The following DCC variants were observed in gnomAD, a reference collection of about 807,000 sequenced individuals.
The protein encoded by DCC is netrin receptor DCC.
DCC carries 58 observed loss-of-function variants against 172.5 expected under a neutral mutation model. The ratio of observed to expected loss-of-function variants is 0.34; its 90% CI spans 0.27 to 0.42. The LOEUF is 0.42. Ranked by LOEUF, DCC falls within the 10% of genes least tolerant of loss-of-function variation. DCC has a pLI of 1.00. For synonymous variants in DCC, 709 were observed against 644.5 expected (o/e 1.10, Z -1.52); for missense variants, 1,740 against 1,791.0 (o/e 0.97, Z 0.51).
At chr18:52,541,877 A>ATATATATATATATATATATATG (rs1568220106) in intron 1 of DCC, among the ~76,000 whole-genome samples, 16 of 68,786 alleles carry the variant, frequency 2.3e-4, no homozygotes, top group African/African-American at 7.8e-4. Context: ...GTGTGTGTGT[A>ATATATATATATATATATATATG]TATATATATA....
At chr18:52,887,768 T>C (rs1488447437) in intron 2 of DCC, among the ~76,000 whole-genome samples, 1 of 152,216 alleles carries the variant, frequency 6.6e-6, no homozygotes, top group Non-Finnish European at 1.5e-5. Flanking sequence ...TATCCAACTT[T>C]TAATAGTAAT....
At chr18:53,288,341 G>T (rs574357191) in intron 12 of DCC, among the ~76,000 whole-genome samples, 2 of 152,014 alleles carry the variant, frequency 1.3e-5, no homozygotes, top group Non-Finnish European at 2.9e-5. Context: ...ATGGACAATG[G>T]CATATTCTGA....
chr18:53,061,826 G>A (rs903226981), intron 5 of DCC, among the ~76,000 whole-genome samples: 1 of 152,030 alleles, frequency 6.6e-6, no homozygotes, highest in Non-Finnish European at 1.5e-5. Context: ...TAGTGGGAGA[G>A]ATAATAATAA....
chr18:52,926,620 G>A (rs968437701), intron 5 of DCC, among the ~76,000 whole-genome samples: 1 of 151,506 alleles, frequency 6.6e-6, no homozygotes, highest in African/African-American at 2.4e-5. Context: ...ATTTGGTTAT[G>A]GAATACGCTA....
intron 2 of DCC, among the ~76,000 whole-genome samples, chr18:52,905,279 CAT>C (rs1325629769): frequency 6.6e-6 from 1 of 152,070 alleles, no homozygotes; most frequent in African/African-American, 2.4e-5. Context: ...ATCATTTTCA[CAT>C]GTTATTTCAT....
chr18:53,265,444 A>T (rs1159384971), intron 12 of DCC, among the ~76,000 whole-genome samples: 1 of 152,228 alleles, frequency 6.6e-6, no homozygotes, highest in Non-Finnish European at 1.5e-5. Context: ...TGGACTGATC[A>T]TTATCAAGCC....
intron 7 of DCC, among the ~76,000 whole-genome samples, chr18:53,152,642 G>A (rs1052677978): frequency 2.0e-5 from 3 of 152,086 alleles, no homozygotes; most frequent in African/African-American, 7.2e-5. Context: ...CATGACAACA[G>A]ATAAAGAAGC....
At chr18:52,611,691 C>T (rs1461741751) in intron 1 of DCC, among the ~76,000 whole-genome samples, 1 of 152,182 alleles carries the variant, frequency 6.6e-6, no homozygotes, top group Non-Finnish European at 1.5e-5. Context: ...CTGACACTAA[C>T]TGCTTGATTT....
At chr18:52,957,489 T>C (rs1249457583) in intron 5 of DCC, among the ~76,000 whole-genome samples, 6 of 152,110 alleles carry the variant, frequency 3.9e-5, no homozygotes, top group Admixed American at 6.6e-5. Flanking sequence ...TAACAAGTAT[T>C]TGTAGAACAT....
chr18:52,925,749 G>A (rs1370007802), intron 5 of DCC, among the ~76,000 whole-genome samples: 3 of 151,892 alleles, frequency 2.0e-5, no homozygotes, highest in African/African-American at 7.2e-5. Context: ...TGTTATTTGA[G>A]ATGACAGGGT....
intron 1 of DCC, among the ~76,000 whole-genome samples, chr18:52,533,008 A>T (rs1052519553): frequency 3.3e-5 from 5 of 152,068 alleles, no homozygotes; most frequent in African/African-American, 9.7e-5. Flanking sequence ...TACAGATTTG[A>T]CGATTCTGGA....
At chr18:53,484,043 T>C (rs560298556) in intron 25 of DCC, among the ~76,000 whole-genome samples, 3 of 151,708 alleles carry the variant, frequency 2.0e-5, no homozygotes, top group African/African-American at 4.8e-5. Flanking sequence ...TATGAATGAG[T>C]ACTATAACAA....
intron 1 of DCC, among the ~76,000 whole-genome samples, chr18:52,707,056 G>C (rs1014402385): frequency 6.6e-6 from 1 of 152,282 alleles, no homozygotes; most frequent in South Asian, 2.1e-4. Flanking sequence ...GCACAAAACA[G>C]AGAAAGTAAT....
chr18:52,341,009 G>A lies in DCC; in HGVS notation c.91+131G>A, dbSNP rs1983607001. ...TTTGGCGCTTGCGCTGCCCCCATTT[G>A]CGCACCGATGATAAAAGATAGAAGA... On this transcript the variant is annotated intron_variant, in intron 1 of 28. Transcript: ENST00000442544. 3.8e-6 allele frequency: 3 copies of A among 781,664 alleles called. No individual in the cohort carries two copies. The South Asian group carries it at 4.2e-5, about 11-fold the overall frequency. 48.4% of individuals were successfully genotyped at this position (781,664 alleles called of 1,614,324 possible). A position where few individuals can be genotyped will look rare whatever the true frequency, so the allele number is the denominator to read the frequency against.
At chr18:52,543,329 C>T (rs1014671150) in intron 1 of DCC, among the ~76,000 whole-genome samples, 1 of 152,122 alleles carries the variant, frequency 6.6e-6, no homozygotes, top group Non-Finnish European at 1.5e-5. Context: ...GAAGTTTTTA[C>T]ATTTTTTTCT....
At chr18:53,297,246 T>G (rs1324280487) in intron 12 of DCC, among the ~76,000 whole-genome samples, 1 of 152,198 alleles carries the variant, frequency 6.6e-6, no homozygotes, top group South Asian at 2.1e-4. Flanking sequence ...GAATTGGACA[T>G]GACTATCCCA....
chr18:52,550,641 T>C (rs191800422), intron 1 of DCC, among the ~76,000 whole-genome samples: 18 of 152,190 alleles, frequency 1.2e-4, no homozygotes, highest in Non-Finnish European at 1.6e-4. Context: ...GAGGAAGATA[T>C]AAACTTTGTC....
chr18:53,046,465 G>T lies in DCC; in HGVS notation c.986-16840G>T, dbSNP rs1017137952. Among the ~76,000 whole-genome samples, 5 of 114,892 alleles carry T rather than the reference G, an allele frequency of 4.4e-5. No homozygotes were observed. The East Asian group carries it at 8.7e-4, about 20-fold the overall frequency. 75.4% of individuals were successfully genotyped at this position (114,892 alleles called of 152,430 possible). On this transcript the variant is annotated intron_variant, in intron 5 of 28. Transcript: ENST00000442544. Reference sequence around the variant, plus strand: ...CATACATACTTCCATGTTAGACTCAGAATTTTAAAACTGGAAAAAAAAAAG... The same window carrying T: ...CATACATACTTCCATGTTAGACTCATAATTTTAAAACTGGAAAAAAAAAAG...
At chr18:52,830,452 C>T (rs1451385159) in intron 2 of DCC, among the ~76,000 whole-genome samples, 1 of 152,054 alleles carries the variant, frequency 6.6e-6, no homozygotes, top group Non-Finnish European at 1.5e-5. Flanking sequence ...AAATGGATGT[C>T]TTACTATTTA....
Sources: allele counts gnomAD v4.1 joint callset (sites outside exome capture counted in the v4.1 genomes callset), GRCh38; gene constraint gnomAD v4.1.1; transcripts MANE v1.5; gene names NCBI Gene and HGNC (gene_info 2026-07-23, HGNC 2026-07-21).